STARD7: variants seen among roughly 807,000 people sequenced by gnomAD.
The protein encoded by STARD7 is stAR-related lipid transfer protein 7, mitochondrial.
STARD7 carries 30 observed loss-of-function variants against 45.3 expected under a neutral mutation model. The ratio of observed to expected loss-of-function variants is 0.66; its 90% CI spans 0.50 to 0.90. STARD7 has a LOEUF of 0.90. Ranked by LOEUF, STARD7 falls within the 40% of genes least tolerant of loss-of-function variation. STARD7 has a pLI of 0.00. For synonymous variants in STARD7, 199 were observed against 183.0 expected (o/e 1.09, Z -0.70); for missense variants, 495 against 491.3 (o/e 1.01, Z -0.07).
In STARD7 at chr2:96,194,911, A is replaced by G. The variant is rs1683179338; in HGVS notation, c.549+47T>C. The G allele has an allele frequency of 2.0e-6, 3 of 1,496,960 alleles. No individual in the cohort carries two copies. The African/African-American group carries it at 4.1e-5, about 21-fold the overall frequency. The allele number at this position is 1,496,960 out of a possible 1,614,324, so 92.7% of individuals were successfully genotyped here. ...TAAATGATTCATGTAGACAGTAGCA[A>G]TTGATATGCTAGGAGGCTCCAAATC... On this transcript the variant is annotated intron_variant, in intron 3 of 7. Coordinates refer to ENST00000337288, the MANE Select transcript of STARD7 (RefSeq NM_020151.4).
At position 96,195,408 on chromosome 2, in the gene STARD7, C is replaced by T. The variant is rs1410160182; in HGVS notation, c.432G>A (p.Val144=). 1 of 1,609,564 alleles carries T rather than the reference C, an allele frequency of 6.2e-7. No homozygotes were observed. Among genetic ancestry groups the T allele is most frequent in the Non-Finnish European group, 8.5e-7 (1 of 1,177,886 alleles). ...ACAGCTTAAAGTGTTTCTTATCCATCACCATTTCCCAACGTTGCTCTTTGC... is the reference window on the plus strand; with the variant it reads ...ACAGCTTAAAGTGTTTCTTATCCATTACCATTTCCCAACGTTGCTCTTTGC... ...SEGKEQRWEM[V]MDKKHFKLWR... The change falls in exon 2 of 8, where the codon GTG becomes GTA. Residue 144 remains valine (V), a synonymous_variant. Coordinates refer to ENST00000337288, the MANE Select transcript of STARD7 (RefSeq NM_020151.4).
intron 1 of STARD7, among the ~76,000 whole-genome samples, chr2:96,196,113 C>CAAAAAAAAAAAAAA (rs113641896): frequency 1.2e-5 from 1 of 83,386 alleles, no homozygotes; most frequent in Admixed American, 1.2e-4. Context: ...ACTCTTGTCT[C>CAAAAAAAAAAAAAA]AAAAAAAAAA....
chr2:96,196,113 C>CAAAAAAAAA (rs113641896), intron 1 of STARD7, among the ~76,000 whole-genome samples: 1 of 83,386 alleles, frequency 1.2e-5, no homozygotes, highest in Non-Finnish European at 2.5e-5. Context: ...ACTCTTGTCT[C>CAAAAAAAAA]AAAAAAAAAA....
At chr2:96,197,110 A>AAACTAAACC (rs1274720929) in intron 1 of STARD7, among the ~76,000 whole-genome samples, 18 of 141,542 alleles carry the variant, frequency 1.3e-4, no homozygotes, top group South Asian at 2.4e-4. Context: ...ATAAAATAAA[A>AAACTAAACC]TAAAATAAAA....
chr2:96,189,310 C>T (rs1683088472), intron 6 of STARD7, among the ~76,000 whole-genome samples: 1 of 152,132 alleles, frequency 6.6e-6, no homozygotes, highest in Non-Finnish European at 1.5e-5. Flanking sequence ...TGCTACATTT[C>T]ATTGCTGGGG....
chr2:96,190,393 C>T (rs941343243), intron 6 of STARD7, among the ~76,000 whole-genome samples: 3 of 146,996 alleles, frequency 2.0e-5, no homozygotes, highest in Non-Finnish European at 4.5e-5. Flanking sequence ...TGGGGTGCAG[C>T]GGCACGATCT....
chr2:96,202,689 T>TA (rs1321266438), intron 1 of STARD7, among the ~76,000 whole-genome samples: 1 of 152,180 alleles, frequency 6.6e-6, no homozygotes, highest in Non-Finnish European at 1.5e-5. Context: ...GGCCTCAAAT[T>TA]CCTGGGCTCA....
Position 96,186,042 on chromosome 2 carries a change from A to G in STARD7, c.*688T>C, listed in dbSNP as rs1301206656. Reference sequence around the variant, plus strand: ...AACTTGCTTTGGATAAGGTGAGTCAATGGGTGATATTGTGCAGGCAGGGAG... The same window carrying G: ...AACTTGCTTTGGATAAGGTGAGTCAGTGGGTGATATTGTGCAGGCAGGGAG... On this transcript the variant is annotated 3_prime_UTR_variant, in exon 8 of 8. Coordinates refer to ENST00000337288, the MANE Select transcript of STARD7 (RefSeq NM_020151.4). 1 of 152,164 alleles carries G rather than the reference A, an allele frequency of 6.6e-6. No homozygotes were observed. The highest frequency in any genetic ancestry group is 1.5e-5 in the Non-Finnish European group (1 of 68,026). 9.4% of individuals were successfully genotyped at this position (152,164 alleles called of 1,614,324 possible).
chr2:96,189,739 A>G (rs1221356451), intron 6 of STARD7, among the ~76,000 whole-genome samples: 2 of 151,898 alleles, frequency 1.3e-5, no homozygotes, highest in Non-Finnish European at 2.9e-5. Flanking sequence ...TATTTTGTAC[A>G]CAGTATGCAC....
chr2:96,193,711 TTAAG>T (rs1433501596), intron 3 of STARD7, among the ~76,000 whole-genome samples: 2 of 152,246 alleles, frequency 1.3e-5, no homozygotes, highest in Non-Finnish European at 2.9e-5. Flanking sequence ...TCCAAAAGTA[TTAAG>T]TAGACACTTC....
In STARD7 at chr2:96,208,787, C is replaced by A. The variant is rs769598263; in HGVS notation, c.-353G>T. Reference sequence around the variant, plus strand: ...ACAGAAACGAGACAGACAGCTCAGGCCCAGCAGCACGCAAGCTCCCGCGCC... The same window carrying A: ...ACAGAAACGAGACAGACAGCTCAGGACCAGCAGCACGCAAGCTCCCGCGCC... On this transcript the variant is annotated 5_prime_UTR_variant, in exon 1 of 8. Coordinates refer to ENST00000337288, the MANE Select transcript of STARD7 (RefSeq NM_020151.4). 1 of 403,758 alleles carries A rather than the reference C, an allele frequency of 2.5e-6. No individual in the cohort carries two copies. The highest frequency in any genetic ancestry group is 1.1e-4 in the South Asian group (1 of 8,804). 25.0% of individuals were successfully genotyped at this position (403,758 alleles called of 1,614,324 possible).
At chr2:96,207,041 A>G (rs1283694488) in intron 1 of STARD7, among the ~76,000 whole-genome samples, 3 of 152,146 alleles carry the variant, frequency 2.0e-5, no homozygotes, top group Admixed American at 2.0e-4. Context: ...GTTTGTGGTT[A>G]TTATTTTAAG....
chr2:96,192,978 G>T (rs1296247031), intron 5 of STARD7, 100 bp downstream of exon 5: 9 of 824,516 alleles, frequency 1.1e-5, no homozygotes, highest in Middle Eastern at 4.8e-4. Flanking sequence ...GGAAGCCTGT[G>T]GGAGACTCAT....
chr2:96,208,292 A>C lies in STARD7; in HGVS notation c.143T>G (p.Leu48Arg). 1.2e-6 allele frequency: 2 copies of C among 1,610,102 alleles called. No individual in the cohort carries two copies. Among genetic ancestry groups the C allele is most frequent in the Non-Finnish European group, 1.7e-6 (2 of 1,179,008 alleles). Residue 48 changes from leucine to arginine, a missense_variant, in exon 1 of 8, where the codon CTC (leucine) becomes CGC (arginine). Leu to Arg is a moderately radical substitution (Grantham distance 102). This residue lies in a region of STARD7 where 282 missense variants were observed against 220.1 expected (regional missense o/e 1.28). Transcript: ENST00000337288. ...AQQIAQLYGR[L>R]YSESSRRVLL... The stretch of plus-strand genomic sequence containing the variant: ...AACGCGGCGTGAGCTCTCGGAGTAG[A>C]GGCGGCCGTAGAGCTGCGCGATCTG...
At chr2:96,189,487 T>TTGAA (rs1167954923) in intron 6 of STARD7, among the ~76,000 whole-genome samples, 1 of 152,108 alleles carries the variant, frequency 6.6e-6, no homozygotes, top group Admixed American at 6.6e-5. Context: ...GGCGGATCAC[T>TTGAA]TGAAGTCAGG....
At position 96,206,058 on chromosome 2, in the gene STARD7, G is replaced by T. The variant is rs112598801; in HGVS notation, c.290+2087C>A. Among the ~76,000 whole-genome samples, 240 of 152,288 alleles carry T rather than the reference G, an allele frequency of 1.6e-3. 5 individuals carry two copies. In the East Asian group the frequency reaches 0.03, roughly 19 times the overall value. On this transcript the variant is annotated intron_variant, in intron 1 of 7. Transcript: ENST00000337288. ...GAGCAGTCCCTCTTGAGGAGTTGGA[G>T]TAGAACCAAGAGTATTTCAATTGCC... is the stretch of plus-strand genomic sequence containing the variant.
At chr2:96,205,283 CT>C (rs896467556) in intron 1 of STARD7, among the ~76,000 whole-genome samples, 2 of 152,194 alleles carry the variant, frequency 1.3e-5, no homozygotes, top group African/African-American at 2.4e-5. Context: ...GTAAGATGTT[CT>C]TAAGCACAAA....
rs1400259532 is a variant in STARD7, at chr2:96,208,780, G to A, written c.-346C>T. ...CGCGCGGACAGAAACGAGACAGACA[G>A]CTCAGGCCCAGCAGCACGCAAGCTC... On this transcript the variant is annotated 5_prime_UTR_variant, in exon 1 of 8. Transcript: ENST00000337288. 2 of 406,232 alleles carry A rather than the reference G, an allele frequency of 4.9e-6. No individual in the cohort carries two copies. The highest frequency in any genetic ancestry group is 8.7e-6 in the Non-Finnish European group (2 of 229,458). 25.2% of individuals were successfully genotyped at this position (406,232 alleles called of 1,614,324 possible). A position where few individuals can be genotyped will look rare whatever the true frequency, so the allele number is the denominator to read the frequency against.
chr2:96,186,379 G>A lies in STARD7; in HGVS notation c.*351C>T, dbSNP rs982377641. ...AGGAAATCCAAAGCGCTGCACAATC[G>A]ATGGTGGGATTTGGAATGTCAGCAG... On this transcript the variant is annotated 3_prime_UTR_variant, in exon 8 of 8. Transcript: ENST00000337288. The A allele has an allele frequency of 1.1e-4, 19 of 174,968 alleles. No individual in the cohort carries two copies. The highest frequency in any genetic ancestry group is 1.8e-4 in the Non-Finnish European group (15 of 83,262). The allele number at this position is 174,968 out of a possible 1,614,324, so 10.8% of individuals were successfully genotyped here. A position where few individuals can be genotyped will look rare whatever the true frequency, so the allele number is the denominator to read the frequency against.
Sources: allele counts gnomAD v4.1 joint callset (sites outside exome capture counted in the v4.1 genomes callset), GRCh38; gene constraint gnomAD v4.1.1; regional missense constraint gnomAD v4.1.1; transcripts MANE v1.5; gene names NCBI Gene and HGNC (gene_info 2026-07-23, HGNC 2026-07-21).